The following EXOC4 variants were observed in gnomAD, a reference collection of about 807,000 sequenced individuals.
EXOC4 encodes the protein exocyst complex component 4, also known as SEC8-like 1.
Under a neutral mutation model 107.2 loss-of-function variants are expected in EXOC4, and 71 were observed. The ratio of observed to expected loss-of-function variants is 0.66; its 90% CI spans 0.55 to 0.81. EXOC4 has a LOEUF of 0.81. EXOC4 is among the 30% of genes least tolerant of loss of function. EXOC4 has a pLI of 0.00. For synonymous variants in EXOC4, 456 were observed against 441.2 expected (o/e 1.03, Z -0.42); for missense variants, 1,108 against 1,189.6 (o/e 0.93, Z 1.01).
At chr7:133,253,489 T>G in intron 1 of EXOC4, 1 of 1,121,284 alleles carries the variant, frequency 8.9e-7, no homozygotes, top group Non-Finnish European at 1.1e-6. Flanking sequence ...AAACCAGGTG[T>G]AAAGGTGTGT....
chr7:133,615,265 C>T (rs1382985406), intron 9 of EXOC4, among the ~76,000 whole-genome samples: 2 of 151,810 alleles, frequency 1.3e-5, no homozygotes, highest in Non-Finnish European at 2.9e-5. Context: ...TCCTCTTCTC[C>T]CTCCTCCTCC....
chr7:133,839,122 T>C (rs1486286308), intron 11 of EXOC4, among the ~76,000 whole-genome samples: 1 of 152,208 alleles, frequency 6.6e-6, no homozygotes. Flanking sequence ...CTAGAGAACT[T>C]AGAATAAGGT....
chr7:134,068,523 CTT>C (rs762611670), downstream of EXOC4, among the ~76,000 whole-genome samples: 542 of 13,894 alleles, frequency 0.039, 7 homozygotes, highest in African/African-American at 0.22. Flanking sequence ...CATTAAACCT[CTT>C]TTTCATTATA....
intron 14 of EXOC4, among the ~76,000 whole-genome samples, chr7:133,979,717 G>A (rs1793931825): frequency 6.6e-6 from 1 of 152,034 alleles, no homozygotes; most frequent in Non-Finnish European, 1.5e-5. Flanking sequence ...GAACCTGGGA[G>A]GCGGAGCTTG....
intron 10 of EXOC4, among the ~76,000 whole-genome samples, chr7:133,630,555 G>A (rs1802567998): frequency 6.6e-6 from 1 of 152,004 alleles, no homozygotes; most frequent in South Asian, 2.1e-4. Flanking sequence ...CTGCTTTTGT[G>A]CTACAAGTGC....
At chr7:133,291,657 A>G (rs563952285) in intron 3 of EXOC4, among the ~76,000 whole-genome samples, 1 of 152,240 alleles carries the variant, frequency 6.6e-6, no homozygotes, top group South Asian at 2.1e-4. Flanking sequence ...TGCTGGGATT[A>G]CAGCCGTGAG....
intron 10 of EXOC4, among the ~76,000 whole-genome samples, chr7:133,756,499 A>AT (rs1795920577): frequency 6.6e-6 from 1 of 152,242 alleles, no homozygotes; most frequent in Non-Finnish European, 1.5e-5. Flanking sequence ...TCTGAATGTT[A>AT]TAATCCTCTC....
chr7:133,697,441 T>G (rs867067851), intron 10 of EXOC4, among the ~76,000 whole-genome samples: 13 of 152,228 alleles, frequency 8.5e-5, no homozygotes, highest in African/African-American at 3.1e-4. Flanking sequence ...TTTTTAAAAC[T>G]TACAGAAAGC....
At chr7:133,296,284 A>G (rs1479810751) in intron 3 of EXOC4, among the ~76,000 whole-genome samples, 1 of 152,102 alleles carries the variant, frequency 6.6e-6, no homozygotes, top group African/African-American at 2.4e-5. Flanking sequence ...TGGTGAACAA[A>G]TAGTGTCTCT....
chr7:133,992,867 A>G (rs961198835), intron 14 of EXOC4, among the ~76,000 whole-genome samples: 6 of 151,194 alleles, frequency 4.0e-5, no homozygotes, highest in Non-Finnish European at 8.8e-5. Flanking sequence ...TTCCCCATTC[A>G]GTATATTAGC....
intron 14 of EXOC4, among the ~76,000 whole-genome samples, chr7:133,987,578 A>T (rs926892520): frequency 6.6e-6 from 1 of 152,184 alleles, no homozygotes; most frequent in African/African-American, 2.4e-5. Context: ...CCTCTGTACA[A>T]ATAGGAAGAG....
intron 5 of EXOC4, among the ~76,000 whole-genome samples, chr7:133,335,545 C>T (rs1254087929): frequency 1.3e-5 from 2 of 152,160 alleles, no homozygotes; most frequent in Non-Finnish European, 2.9e-5. Context: ...CCTTCCTTTT[C>T]AAGGCTGAAT....
intron 10 of EXOC4, among the ~76,000 whole-genome samples, chr7:133,696,536 C>T (rs1209717235): frequency 6.6e-6 from 1 of 152,178 alleles, no homozygotes; most frequent in Non-Finnish European, 1.5e-5. Context: ...GAAAATATAG[C>T]TCCTCTTTTT....
At chr7:133,524,078 T>C (rs914672841) in intron 9 of EXOC4, among the ~76,000 whole-genome samples, 1 of 144,542 alleles carries the variant, frequency 6.9e-6, no homozygotes, top group African/African-American at 2.6e-5. Flanking sequence ...AAAGTGTTCC[T>C]ATTTCTCCAC....
At chr7:133,769,848 C>G (rs1187704298) in intron 10 of EXOC4, among the ~76,000 whole-genome samples, 2 of 151,868 alleles carry the variant, frequency 1.3e-5, no homozygotes, top group Non-Finnish European at 2.9e-5. Flanking sequence ...CACAGGGAGC[C>G]TCACACTCCA....
At chr7:133,465,818 G>A (rs145909856) in intron 7 of EXOC4, among the ~76,000 whole-genome samples, 1 of 152,204 alleles carries the variant, frequency 6.6e-6, no homozygotes, top group African/African-American at 2.4e-5. Flanking sequence ...ATAATCATAT[G>A]TTTTCATCCC....
At chr7:133,558,211 C>CTTTTCTTTTTTTTTCTTTTT (rs1554471711) in intron 9 of EXOC4, among the ~76,000 whole-genome samples, 1 of 139,282 alleles carries the variant, frequency 7.2e-6, no homozygotes, top group Non-Finnish European at 1.5e-5. Context: ...CTTTTCTTTT[C>CTTTTCTTTTTTTTTCTTTTT]TTTTCTTTTC....
intron 3 of EXOC4, among the ~76,000 whole-genome samples, chr7:133,292,930 GTTAT>G (rs1334772319): frequency 6.6e-6 from 1 of 152,028 alleles, no homozygotes; most frequent in Admixed American, 6.6e-5. Flanking sequence ...TTCTTCTCTG[GTTAT>G]TTATTTGTTT....
chr7:133,881,423 T>C (rs927548338), intron 11 of EXOC4, among the ~76,000 whole-genome samples: 1 of 152,190 alleles, frequency 6.6e-6, no homozygotes, highest in Non-Finnish European at 1.5e-5. Context: ...TTATTTATCT[T>C]GCAGGACTCA....
Sources: allele counts gnomAD v4.1 joint callset (sites outside exome capture counted in the v4.1 genomes callset), GRCh38; gene constraint gnomAD v4.1.1; transcripts MANE v1.5; gene names NCBI Gene and HGNC (gene_info 2026-07-23, HGNC 2026-07-21).